PGM1: variants seen among roughly 807,000 people sequenced by gnomAD.
The protein encoded by PGM1 is phosphoglucomutase-1.
A neutral mutation model predicts 55.6 loss-of-function variants in PGM1; 52 were observed. That is an observed-to-expected ratio of 0.94 (90% CI 0.75 to 1.18). The LOEUF (loss-of-function observed/expected upper bound fraction) is 1.18, where lower values mean the gene tolerates loss of function less well. Ranked by LOEUF, PGM1 falls within the 50% of genes most tolerant of loss-of-function variation. The probability of loss-of-function intolerance (pLI) is 0.00; values close to 1 mark genes in which losing one functional copy is unlikely to be tolerated. For synonymous variants in PGM1, 287 were observed against 271.7 expected (o/e 1.06, Z -0.55); for missense variants, 724 against 729.3 (o/e 0.99, Z 0.08).
At chr1:63,610,673 A>G (rs1648540583) in intron 1 of PGM1, among the ~76,000 whole-genome samples, 1 of 151,972 alleles carries the variant, frequency 6.6e-6, no homozygotes, top group African/African-American at 2.4e-5. Flanking sequence ...TCTTCTTCCC[A>G]GATTTGCCAA....
intron 8 of PGM1, among the ~76,000 whole-genome samples, chr1:63,651,119 C>T (rs1377716620): frequency 1.3e-5 from 2 of 151,616 alleles, no homozygotes; most frequent in Non-Finnish European, 2.9e-5. Flanking sequence ...CAGTGTTTGG[C>T]GTCTTCATCT....
At chr1:63,629,295 A>G (rs1570493343) in intron 1 of PGM1, 130 bp from the exon 2 acceptor site, 1 of 813,056 alleles carries the variant, frequency 1.2e-6, no homozygotes, top group African/African-American at 1.7e-5. Context: ...TATTAAATAA[A>G]ATCTTTTCTT....
At position 63,638,704 on chromosome 1, in the gene PGM1, A is replaced by G. The variant is rs751121095; in HGVS notation, c.1048A>G (p.Ile350Val). The change falls in exon 7 of 11, where the codon ATT (isoleucine) becomes GTT (valine). Residue 350 changes from isoleucine (I) to valine (V), a missense_variant. Coordinates refer to ENST00000371084, the MANE Select transcript of PGM1 (RefSeq NM_002633.3). Reference sequence around the variant, plus strand: ...TTGAAGGGTGGCTAGTGCTACAAAGATTGCTTTGTATGAGACCCCAACTGG... The same window carrying G: ...TTGAAGGGTGGCTAGTGCTACAAAGGTTGCTTTGTATGAGACCCCAACTGG... ...ALDRVASATK[I>V]ALYETPTGWK... 65 of 1,612,376 alleles carry G rather than the reference A, an allele frequency of 4.0e-5. No homozygotes were observed. The Admixed American group carries it at 5.3e-4, about 13-fold the overall frequency.
Position 63,659,707 on chromosome 1 carries a change from C to T in PGM1, c.*32C>T, listed in dbSNP as rs367875351. On this transcript the variant is annotated 3_prime_UTR_variant, in exon 11 of 11. Transcript: ENST00000371084. Reference sequence around the variant, plus strand: ...AGGCCTGATGTGGTACGTCCCTCCACCCCCGGACCCATCCAAGTCATCTGA... The same window carrying T: ...AGGCCTGATGTGGTACGTCCCTCCATCCCCGGACCCATCCAAGTCATCTGA... The T allele has an allele frequency of 4.1e-6, 6 of 1,474,020 alleles. No homozygotes were observed. In the African/African-American group the frequency reaches 5.5e-5, roughly 14 times the overall value. The allele number at this position is 1,474,020 out of a possible 1,614,324, so 91.3% of individuals were successfully genotyped here.
intron 1 of PGM1, among the ~76,000 whole-genome samples, chr1:63,602,467 T>A (rs1009932650): frequency 5.9e-5 from 9 of 152,364 alleles, no homozygotes; most frequent in African/African-American, 2.2e-4. Context: ...ATGAATTTGT[T>A]CTTGGCTGCT....
chr1:63,621,982 A>G (rs990241014), intron 1 of PGM1, among the ~76,000 whole-genome samples: 1 of 152,140 alleles, frequency 6.6e-6, no homozygotes, highest in Non-Finnish European at 1.5e-5. Flanking sequence ...AGTTAGTATA[A>G]AAAGACTCAG....
intron 7 of PGM1, among the ~76,000 whole-genome samples, chr1:63,644,175 C>T (rs1420445290): frequency 6.6e-6 from 1 of 152,154 alleles, no homozygotes; most frequent in African/African-American, 2.4e-5. Flanking sequence ...CTGGCTGAGC[C>T]GAGTATGTGC....
intron 1 of PGM1, among the ~76,000 whole-genome samples, chr1:63,596,144 C>G (rs574532116): frequency 6.6e-6 from 1 of 152,038 alleles, no homozygotes; most frequent in Non-Finnish European, 1.5e-5. Context: ...CCTCCCTTGG[C>G]CTTGCTTACT....
At chr1:63,639,755 TC>T (rs1225344021) in intron 7 of PGM1, among the ~76,000 whole-genome samples, 1 of 152,180 alleles carries the variant, frequency 6.6e-6, no homozygotes, top group Non-Finnish European at 1.5e-5. Context: ...GAGTTGCAAT[TC>T]ATGCCAGGTT....
At chr1:63,613,133 G>T (rs1336867942) in intron 1 of PGM1, among the ~76,000 whole-genome samples, 1 of 151,950 alleles carries the variant, frequency 6.6e-6, no homozygotes, top group Non-Finnish European at 1.5e-5. Context: ...GTTACTTAAT[G>T]CTAGAAACCA....
chr1:63,623,390 G>A, intron 1 of PGM1: 1 of 1,555,984 alleles, frequency 6.4e-7, no homozygotes, highest in African/African-American at 1.4e-5. Context: ...CTTCAGGTTG[G>A]ACAGACCTAT....
chr1:63,633,352 G>A (rs903313690), intron 4 of PGM1, among the ~76,000 whole-genome samples: 45 of 152,120 alleles, frequency 3.0e-4, no homozygotes, highest in African/African-American at 9.7e-4. Context: ...GAGCTTCTCC[G>A]GAAGAAGACT....
At chr1:63,611,760 G>T (rs1648572144) in intron 1 of PGM1, among the ~76,000 whole-genome samples, 1 of 152,304 alleles carries the variant, frequency 6.6e-6, no homozygotes, top group South Asian at 2.1e-4. Context: ...AAAATTAGCT[G>T]GGTGTGGTGG....
rs775746481 is a variant in PGM1, at chr1:63,593,441, T to C, written c.-48T>C. On this transcript the variant is annotated 5_prime_UTR_variant, in exon 1 of 11. Transcript: ENST00000371084. ...AGCTGCAGCCTCAGCCGGCCGCCCCTCCGCCAGCCAAGTCCGCCGCTCTGA... is the reference window on the plus strand; with the variant it reads ...AGCTGCAGCCTCAGCCGGCCGCCCCCCCGCCAGCCAAGTCCGCCGCTCTGA... 1 of 1,610,236 alleles carries C rather than the reference T, an allele frequency of 6.2e-7. No individual in the cohort carries two copies. The highest frequency in any genetic ancestry group is 8.5e-7 in the Non-Finnish European group (1 of 1,178,762).
intron 8 of PGM1, 165 bp from the exon 9 acceptor site, chr1:63,651,504 G>A (rs181396137): frequency 1.5e-6 from 1 of 654,824 alleles, no homozygotes; most frequent in East Asian, 2.8e-5. Flanking sequence ...TCCCTGGCCT[G>A]TTCCATCCCC....
At chr1:63,647,308 A>G (rs1453572862) in intron 7 of PGM1, among the ~76,000 whole-genome samples, 4 of 126,144 alleles carry the variant, frequency 3.2e-5, no homozygotes, top group South Asian at 2.7e-4. Context: ...ATATATATAT[A>G]GTATTAAACA....
At chr1:63,637,339 C>G (rs548541114) in intron 6 of PGM1, among the ~76,000 whole-genome samples, 1 of 152,322 alleles carries the variant, frequency 6.6e-6, no homozygotes, top group South Asian at 2.1e-4. Flanking sequence ...CCTGAGGTCA[C>G]CCAGCTGGTA....
chr1:63,622,426 C>A (rs1648905427), intron 1 of PGM1, among the ~76,000 whole-genome samples: 1 of 152,080 alleles, frequency 6.6e-6, no homozygotes, highest in Non-Finnish European at 1.5e-5. Context: ...TTTAAACATC[C>A]TAGTTTCTTC....
At chr1:63,594,186 G>T (rs913992186) in intron 1 of PGM1, 3 of 927,178 alleles carry the variant, frequency 3.2e-6, no homozygotes, top group Non-Finnish European at 3.9e-6. Flanking sequence ...CTCGCATCCC[G>T]CCCGCTCCTC....
Sources: allele counts gnomAD v4.1 joint callset (sites outside exome capture counted in the v4.1 genomes callset), GRCh38; gene constraint gnomAD v4.1.1; transcripts MANE v1.5; gene names NCBI Gene and HGNC (gene_info 2026-07-23, HGNC 2026-07-21).